PVT1: variants seen among roughly 807,000 people sequenced by gnomAD.
The protein encoded by PVT1 is Pvt1 oncogene, also known as CXCR4/PVT1 fusion.
chr8:127,986,353 C>G (rs1257920603), intron 3 of PVT1, among the ~76,000 whole-genome samples: 1 of 152,170 alleles, frequency 6.6e-6, no homozygotes. Flanking sequence ...GCGTTGGGCC[C>G]AGCATGACCT....
chr8:128,068,450 A>G (rs973647892), intron 4 of PVT1, among the ~76,000 whole-genome samples: 1 of 152,132 alleles, frequency 6.6e-6, no homozygotes, highest in Non-Finnish European at 1.5e-5. Flanking sequence ...GACAACGGTA[A>G]TGTACCTCCC....
Position 127,857,046 on chromosome 8 carries a change from C to T in PVT1, n.373-33543C>T, listed in dbSNP as rs547432957. Among the ~76,000 whole-genome samples, 30 of 152,052 alleles carry T rather than the reference C, an allele frequency of 2.0e-4. 1 individual carries two copies. The highest frequency in any genetic ancestry group is 7.2e-4 in the African/African-American group (30 of 41,496). ...TTCGAGACCAGCCTGGCCAACATGGCGAAACCCTGTCTCTGCTAAAAATGC... is the reference window on the plus strand; with the variant it reads ...TTCGAGACCAGCCTGGCCAACATGGTGAAACCCTGTCTCTGCTAAAAATGC... On this transcript the variant is annotated intron_variant and non_coding_transcript_variant, in intron 2 of 10. Transcript: ENST00000651587.
chr8:127,881,433 TTA>T (rs1815465878), intron 2 of PVT1, among the ~76,000 whole-genome samples: 1 of 130,306 alleles, frequency 7.7e-6, no homozygotes, highest in Admixed American at 8.1e-5. Context: ...ATTATTGTTA[TTA>T]TATTATTATT....
chr8:128,034,400 G>C (rs1813436433), intron 4 of PVT1, among the ~76,000 whole-genome samples: 1 of 152,208 alleles, frequency 6.6e-6, no homozygotes, highest in Non-Finnish European at 1.5e-5. Flanking sequence ...TCACCACCTG[G>C]GTGGAGTTGC....
intron 2 of PVT1, among the ~76,000 whole-genome samples, chr8:127,878,055 C>T (rs1175665271): frequency 6.6e-6 from 1 of 152,154 alleles, no homozygotes; most frequent in Non-Finnish European, 1.5e-5. Context: ...GAACTGTCAC[C>T]TTGAGTCATT....
rs11990345 is a variant in PVT1 at position 127,952,987 on chromosome 8, A to G, written n.783-36175A>G. On this transcript the variant is annotated intron_variant and non_coding_transcript_variant, in intron 3 of 10. Coordinates refer to ENST00000651587, the Ensembl canonical transcript of PVT1. Reference sequence around the variant, plus strand: ...CACCATGTTGGCCAGGATGGTCTCGATCTCCTGCCCTCGTGATCCGCCCGC... The same window carrying G: ...CACCATGTTGGCCAGGATGGTCTCGGTCTCCTGCCCTCGTGATCCGCCCGC... Among the ~76,000 whole-genome samples the G allele has an allele frequency of 1.3e-3, 193 of 152,078 alleles. 4 individuals carry two copies. The East Asian group carries it at 0.03, about 24-fold the overall frequency.
intron 5 of PVT1, among the ~76,000 whole-genome samples, chr8:128,081,023 T>A (rs1814170337): frequency 6.6e-6 from 1 of 152,228 alleles, no homozygotes; most frequent in Admixed American, 6.5e-5. Flanking sequence ...TGACTATATA[T>A]ATGTGGGTCT....
At chr8:127,926,961 C>T (rs1039237575) in intron 3 of PVT1, among the ~76,000 whole-genome samples, 1 of 152,202 alleles carries the variant, frequency 6.6e-6, no homozygotes, top group African/African-American at 2.4e-5. Context: ...ACTGTTCCCC[C>T]CTTCCTTCCC....
chr8:127,970,289 G>GTGT (rs1816748761), intron 3 of PVT1, among the ~76,000 whole-genome samples: 1 of 49,116 alleles, frequency 2.0e-5, no homozygotes, highest in African/African-American at 8.5e-5. Context: ...GCCATGATTT[G>GTGT]TTTTTTTTTT....
intron 3 of PVT1, among the ~76,000 whole-genome samples, chr8:127,962,732 G>T (rs530375660): frequency 1.3e-5 from 2 of 152,220 alleles, no homozygotes; most frequent in South Asian, 2.1e-4. Flanking sequence ...GAGTAGCTGG[G>T]ATTACAGGGG....
At chr8:128,090,235 T>TA (rs1470363196) in intron 5 of PVT1, among the ~76,000 whole-genome samples, 3 of 152,216 alleles carry the variant, frequency 2.0e-5, no homozygotes, top group Non-Finnish European at 4.4e-5. Context: ...CTGGAGTTTT[T>TA]ACTTTCAAAT....
At chr8:127,967,749 T>C (rs1016566525) in intron 3 of PVT1, among the ~76,000 whole-genome samples, 2 of 152,238 alleles carry the variant, frequency 1.3e-5, no homozygotes, top group Non-Finnish European at 2.9e-5. Context: ...CTCCTTTTAA[T>C]GTCAGCTTTC....
At chr8:127,798,735 G>GCA (rs1335488833) in intron 2 of PVT1, among the ~76,000 whole-genome samples, 1 of 148,646 alleles carries the variant, frequency 6.7e-6, no homozygotes, top group Non-Finnish European at 1.5e-5. Context: ...AATTAGCCCG[G>GCA]CGTGGTGGCA....
intron 2 of PVT1, among the ~76,000 whole-genome samples, chr8:127,808,823 A>G (rs560063759): frequency 2.0e-5 from 3 of 151,992 alleles, no homozygotes; most frequent in Non-Finnish European, 4.4e-5. Context: ...TGAGGTCAGG[A>G]GTTCAGGACC....
intron 5 of PVT1, among the ~76,000 whole-genome samples, chr8:128,089,696 T>C (rs922892480): frequency 2.6e-5 from 4 of 152,226 alleles, no homozygotes; most frequent in Admixed American, 1.3e-4. Flanking sequence ...AAAAGTATGT[T>C]GAGATTAGAA....
intron 3 of PVT1, among the ~76,000 whole-genome samples, chr8:127,987,186 G>A (rs1370200783): frequency 6.6e-6 from 1 of 152,248 alleles, no homozygotes; most frequent in Non-Finnish European, 1.5e-5. Context: ...TAAAGGCGCT[G>A]TTGTTATAAT....
At chr8:127,983,592 G>A (rs192993868) in intron 3 of PVT1, among the ~76,000 whole-genome samples, 13 of 152,166 alleles carry the variant, frequency 8.5e-5, no homozygotes, top group African/African-American at 2.6e-4. Flanking sequence ...CACCAAATAC[G>A]CTATTTTTTC....
intron 2 of PVT1, among the ~76,000 whole-genome samples, chr8:127,860,043 C>T (rs1054674277): frequency 2.0e-5 from 3 of 152,142 alleles, no homozygotes; most frequent in African/African-American, 7.2e-5. Flanking sequence ...TGACTGGCTG[C>T]GGCTGCCAGC....
chr8:127,919,101 G>A (rs896886179), intron 3 of PVT1, among the ~76,000 whole-genome samples: 3 of 152,180 alleles, frequency 2.0e-5, no homozygotes, highest in Non-Finnish European at 4.4e-5. Context: ...ATTGCACGTC[G>A]GGTACCAGGA....
Sources: gnomAD v4.1 joint callset for allele counts (sites outside exome capture counted in the v4.1 genomes callset) on GRCh38, gnomAD v4.1.1 for gene constraint, MANE v1.5 for transcripts, NCBI Gene and HGNC (gene_info 2026-07-23, HGNC 2026-07-21) for gene names.